TPCN1: variants seen among roughly 807,000 people sequenced by gnomAD.
TPCN1 encodes two pore channel protein 1.
A neutral mutation model predicts 108.8 loss-of-function variants in TPCN1; 52 were observed. The ratio of observed to expected loss-of-function variants is 0.48; its 90% CI spans 0.38 to 0.60. TPCN1 has a LOEUF of 0.60. Ranked by LOEUF, TPCN1 falls within the 20% of genes least tolerant of loss-of-function variation. The pLI is 0.00. For missense variants in TPCN1, 806 were observed against 1,072.8 expected (o/e 0.75, Z 3.47); for synonymous variants, 446 against 433.7 (o/e 1.03, Z -0.35).
intron 2 of TPCN1, among the ~76,000 whole-genome samples, chr12:113,240,797 A>C (rs1414613112): frequency 2.1e-5 from 3 of 144,748 alleles, no homozygotes; most frequent in African/African-American, 7.8e-5. Context: ...CCCAGGCTGG[A>C]GTGCAGAGGC....
At chr12:113,265,148 A>G (rs898381720) in intron 3 of TPCN1, among the ~76,000 whole-genome samples, 1 of 152,134 alleles carries the variant, frequency 6.6e-6, no homozygotes, top group Non-Finnish European at 1.5e-5. Context: ...GATGGGTGTT[A>G]AAGGGTCTGA....
intron 15 of TPCN1, among the ~76,000 whole-genome samples, chr12:113,281,900 A>ACATTTGGAT (rs1955897191): frequency 6.7e-6 from 1 of 148,532 alleles, no homozygotes; most frequent in Non-Finnish European, 1.5e-5. Context: ...AACTGGATAC[A>ACATTTGGAT]CATTTGGATT....
At position 113,272,842 on chromosome 12, in the gene TPCN1, CCCA is replaced by C; in HGVS notation, c.783+151_783+153del. 1 of 811,384 alleles carries C rather than the reference CCCA, an allele frequency of 1.2e-6. No individual in the cohort carries two copies. Among genetic ancestry groups the C allele is most frequent in the Non-Finnish European group, 2.1e-6 (1 of 466,750 alleles). 50.3% of individuals were successfully genotyped at this position (811,384 alleles called of 1,614,324 possible). A position where few individuals can be genotyped will look rare whatever the true frequency, so the allele number is the denominator to read the frequency against. Reference sequence around the variant, plus strand: ...TGTGTGTGCATTGCACCTGGGAGTTCCCATCACTCAGACTTGACCACTTTCTTC... The same window carrying C: ...TGTGTGTGCATTGCACCTGGGAGTTCTCACTCAGACTTGACCACTTTCTTC... On this transcript the variant is annotated intron_variant, in intron 8 of 27. Coordinates refer to ENST00000335509, the MANE Select transcript of TPCN1 (RefSeq NM_017901.6). The surrounding 1 kb of genome is among the most constrained non-coding windows in gnomAD (Gnocchi z 4.1).
At chr12:113,250,470 C>T (rs938457074) in intron 2 of TPCN1, among the ~76,000 whole-genome samples, 7 of 152,178 alleles carry the variant, frequency 4.6e-5, no homozygotes, top group African/African-American at 1.7e-4. Context: ...TTTGAGGCCA[C>T]GTGGTGATGG....
chr12:113,279,391 A>AT (rs60898872), intron 14 of TPCN1, among the ~76,000 whole-genome samples: 212 of 10,500 alleles, frequency 0.02, 38 homozygotes, highest in Admixed American at 0.037. Flanking sequence ...ATATATATAT[A>AT]TTTTTTTTTT....
intron 2 of TPCN1, among the ~76,000 whole-genome samples, chr12:113,245,451 A>T (rs1237460225): frequency 4.1e-5 from 6 of 145,606 alleles, no homozygotes; most frequent in African/African-American, 1.3e-4. Context: ...AATACAAAAA[A>T]TTAGCCGGGC....
intron 2 of TPCN1, among the ~76,000 whole-genome samples, chr12:113,245,066 C>T (rs1380663082): frequency 6.6e-6 from 1 of 151,870 alleles, no homozygotes; most frequent in Non-Finnish European, 1.5e-5. Context: ...GAGTTCAAGA[C>T]CAGACTGGGG....
intron 27 of TPCN1, 104 bp from the exon 28 acceptor site, chr12:113,295,856 C>G: frequency 7.6e-7 from 1 of 1,308,904 alleles, no homozygotes; most frequent in Non-Finnish European, 1.0e-6. Context: ...GGCTGGCAGC[C>G]CTGCCCCTTC....
Position 113,289,941 on chromosome 12 carries a change from A to T in TPCN1, c.1797-187A>T, listed in dbSNP as rs576419695. On this transcript the variant is annotated intron_variant, in intron 21 of 27. Coordinates refer to ENST00000335509, the MANE Select transcript of TPCN1 (RefSeq NM_017901.6). The surrounding 1 kb of genome is among the most constrained non-coding windows in gnomAD (Gnocchi z 4.1). ...GATCCCGCCAAGCCCAGCAGGCAGG[A>T]ATAGCCAAGGGCATTCCTTCAGCAG... 3.7e-6 allele frequency: 2 copies of T among 541,834 alleles called. No individual in the cohort carries two copies. Among genetic ancestry groups the T allele is most frequent in the African/African-American group, 1.9e-5 (1 of 51,726 alleles). 33.6% of individuals were successfully genotyped at this position (541,834 alleles called of 1,614,324 possible).
At chr12:113,249,279 C>A (rs1954535137) in intron 2 of TPCN1, among the ~76,000 whole-genome samples, 1 of 152,238 alleles carries the variant, frequency 6.6e-6, no homozygotes, top group Non-Finnish European at 1.5e-5. Flanking sequence ...AAGCCTGTTT[C>A]ACAGCTGTAT....
chr12:113,260,217 A>G (rs1954973746), intron 2 of TPCN1, 151 bp from the exon 3 acceptor site: 3 of 822,236 alleles, frequency 3.6e-6, no homozygotes, highest in South Asian at 5.5e-5. Flanking sequence ...AATTCTTGCC[A>G]TTATCAGTAC....
chr12:113,269,606 T>C lies in TPCN1; in HGVS notation c.660-151T>C, dbSNP rs978793641. 3 of 689,348 alleles carry C rather than the reference T, an allele frequency of 4.4e-6. No homozygotes were observed. The highest frequency in any genetic ancestry group is 7.3e-6 in the Non-Finnish European group (3 of 409,722). 42.7% of individuals were successfully genotyped at this position (689,348 alleles called of 1,614,324 possible). ...CCGCTGAGTGGGGGTCTCAAGCCAC[T>C]TTAGGAAAAAATGAAGCATGATGTC... On this transcript the variant is annotated intron_variant, in intron 6 of 27. Coordinates refer to ENST00000335509, the MANE Select transcript of TPCN1 (RefSeq NM_017901.6). The surrounding 1 kb of genome is among the most constrained non-coding windows in gnomAD (Gnocchi z 5.0).
intron 2 of TPCN1, among the ~76,000 whole-genome samples, chr12:113,252,252 T>G (rs898843369): frequency 2.6e-5 from 4 of 152,126 alleles, no homozygotes; most frequent in Admixed American, 2.6e-4. Context: ...AACCTGTTGC[T>G]GGGAGTGTCA....
chr12:113,269,042 C>T lies in TPCN1; in HGVS notation c.659+170C>T, dbSNP rs7306525. Among the ~76,000 whole-genome samples the T allele has an allele frequency of 0.18, 28,113 of 152,132 alleles. 3,255 individuals are homozygous for T. Among genetic ancestry groups the T allele is most frequent in the African/African-American group, 0.33 (13,821 of 41,458 alleles). The stretch of plus-strand genomic sequence containing the variant: ...CATTCCATCCACGCACAGGAGAAAG[C>T]GGTATTCCTACCGCAGTGTAGGTTT... On this transcript the variant is annotated intron_variant, in intron 6 of 27. Coordinates refer to ENST00000335509, the MANE Select transcript of TPCN1 (RefSeq NM_017901.6). This position sits in a 1 kb window ranked among gnomAD's most constrained non-coding sequence, Gnocchi z 5.0.
intron 2 of TPCN1, among the ~76,000 whole-genome samples, chr12:113,230,143 C>T (rs1466147647): frequency 6.6e-6 from 1 of 152,114 alleles, no homozygotes; most frequent in Non-Finnish European, 1.5e-5. Flanking sequence ...CTGAACTTCC[C>T]CTTCCTGACA....
chr12:113,258,035 C>CTTCAGCTTCT (rs1954887576), intron 2 of TPCN1, among the ~76,000 whole-genome samples: 2 of 152,122 alleles, frequency 1.3e-5, no homozygotes, highest in African/African-American at 2.4e-5. Flanking sequence ...GGCAAGGAGG[C>CTTCAGCTTCT]ACGGGAGGGT....
chr12:113,247,844 G>A (rs1392809992), intron 2 of TPCN1, among the ~76,000 whole-genome samples: 6 of 152,214 alleles, frequency 3.9e-5, no homozygotes, highest in African/African-American at 1.4e-4. Context: ...CTCTCTCCGT[G>A]TGGAGAAATG....
At chr12:113,295,443 TAA>T (rs61221998) in intron 27 of TPCN1, among the ~76,000 whole-genome samples, 40 of 92,038 alleles carry the variant, frequency 4.3e-4, no homozygotes, top group Admixed American at 5.2e-4. Context: ...CTCTGTCTCC[TAA>T]AAAAAAAAAA....
rs112606897 is a variant in TPCN1 at position 113,243,369 on chromosome 12, C to CAAA, written c.112+16416_112+16418dup. On this transcript the variant is annotated intron_variant, in intron 2 of 27. Coordinates refer to ENST00000335509, the MANE Select transcript of TPCN1 (RefSeq NM_017901.6). ...TGGATGACAGAGTGGGACCCTGTCTCAAAAAAAAAAAAATACTACATCCTC... is the reference window on the plus strand; with the variant it reads ...TGGATGACAGAGTGGGACCCTGTCTCAAAAAAAAAAAAAAAATACTACATCCTC... Among the ~76,000 whole-genome samples the CAAA allele has an allele frequency of 6.7e-4, 93 of 139,440 alleles. No homozygotes were observed. In the South Asian group the frequency reaches 6.9e-3, roughly 10 times the overall value. 91.5% of individuals were successfully genotyped at this position (139,440 alleles called of 152,430 possible).
Sources: gnomAD v4.1 joint callset for allele counts (sites outside exome capture counted in the v4.1 genomes callset) on GRCh38, gnomAD v4.1.1 for gene constraint, Gnocchi (gnomAD v3.1) non-coding constraint, MANE v1.5 for transcripts, NCBI Gene and HGNC (gene_info 2026-07-23, HGNC 2026-07-21) for gene names.